The following ADAM32 variants were observed in gnomAD, a reference collection of about 807,000 sequenced individuals.
ADAM32 encodes the protein disintegrin and metalloproteinase domain-containing protein 32.
In ADAM32, 89 loss-of-function variants were observed where a neutral mutation model predicts 114.9. The ratio of observed to expected loss-of-function variants is 0.77; its 90% CI spans 0.65 to 0.92. The LOEUF is 0.92. Among genes scored for constraint, ADAM32 ranks in the 40% least tolerant of loss-of-function variants. The probability of loss-of-function intolerance (pLI) is 0.00; values close to 1 mark genes in which losing one functional copy is unlikely to be tolerated. For missense variants in ADAM32, 870 were observed against 932.8 expected (o/e 0.93, Z 0.88); for synonymous variants, 285 against 307.5 (o/e 0.93, Z 0.77).
chr8:39,192,765 C>T (rs73606740), intron 11 of ADAM32, among the ~76,000 whole-genome samples: 147 of 152,208 alleles, frequency 9.7e-4, no homozygotes, highest in African/African-American at 3.2e-3. Context: ...TTTTCACCTT[C>T]GCTTATGAAG....
rs750702374 is a variant in ADAM32 at position 39,246,207 on chromosome 8, A to T, written c.1902+41A>T. 11 of 1,570,156 alleles carry T rather than the reference A, an allele frequency of 7.0e-6. No individual in the cohort carries two copies. In the Admixed American group the frequency reaches 1.9e-4, roughly 27 times the overall value. On this transcript the variant is annotated intron_variant, in intron 17 of 24. Coordinates refer to ENST00000379907, the MANE Select transcript of ADAM32 (RefSeq NM_145004.7). ...TTTCCCTGAATCACATTTCTTGGAC[A>T]CTTTTTTGCATCACTCATTAATTTA...
chr8:39,242,997 A>G (rs1180638818), intron 16 of ADAM32, among the ~76,000 whole-genome samples: 2 of 152,194 alleles, frequency 1.3e-5, no homozygotes, highest in East Asian at 1.9e-4. Flanking sequence ...GAAGGCTACT[A>G]TGAACACCTT....
At chr8:39,169,687 T>C (rs1235915810) in intron 9 of ADAM32, 2 of 350,724 alleles carry the variant, frequency 5.7e-6, no homozygotes. Flanking sequence ...TTAAAAACTT[T>C]GATCTATTAG....
intron 1 of ADAM32, among the ~76,000 whole-genome samples, chr8:39,110,576 A>G (rs1840117313): frequency 6.6e-6 from 1 of 152,218 alleles, no homozygotes; most frequent in Non-Finnish European, 1.5e-5. Flanking sequence ...CTATTGCTGA[A>G]TCATATGATA....
At chr8:39,116,251 G>GT (rs1215741471) in intron 1 of ADAM32, among the ~76,000 whole-genome samples, 2 of 152,134 alleles carry the variant, frequency 1.3e-5, no homozygotes, top group East Asian at 1.9e-4. Context: ...TTTTAGAATA[G>GT]TTTTTTCTAA....
rs547952158 is a variant in ADAM32 at position 39,117,177 on chromosome 8, C to T, written c.59-909C>T. On this transcript the variant is annotated intron_variant, in intron 1 of 24. Transcript: ENST00000379907. The stretch of plus-strand genomic sequence containing the variant: ...GATTACAGGCATGAGCCACCATGCC[C>T]GGCCCTGTTAAGCAGATTTAAGGAA... Among the ~76,000 whole-genome samples, 8 of 152,256 alleles carry T rather than the reference C, an allele frequency of 5.3e-5. No individual in the cohort carries two copies. In the East Asian group the frequency reaches 9.6e-4, roughly 18 times the overall value.
At chr8:39,251,082 G>A (rs932752302) in intron 17 of ADAM32, among the ~76,000 whole-genome samples, 8 of 151,716 alleles carry the variant, frequency 5.3e-5, no homozygotes, top group East Asian at 1.9e-4. Flanking sequence ...ATTCATGGAC[G>A]CTTACATTGA....
intron 16 of ADAM32, among the ~76,000 whole-genome samples, chr8:39,245,051 C>G (rs538725711): frequency 5.9e-5 from 9 of 151,954 alleles, no homozygotes; most frequent in Non-Finnish European, 1.3e-4. Flanking sequence ...AAAATATAAT[C>G]AGCAGAGTAA....
At chr8:39,152,214 T>C (rs1281851150) in intron 6 of ADAM32, among the ~76,000 whole-genome samples, 1 of 152,134 alleles carries the variant, frequency 6.6e-6, no homozygotes, top group African/African-American at 2.4e-5. Context: ...TAGATATAAT[T>C]AAAATGTCAT....
intron 22 of ADAM32, among the ~76,000 whole-genome samples, chr8:39,280,694 A>G (rs1184905595): frequency 6.6e-6 from 1 of 152,186 alleles, no homozygotes; most frequent in African/African-American, 2.4e-5. Flanking sequence ...TTGGTGCTAT[A>G]AAATGGCCTG....
chr8:39,245,508 C>CCCTA lies in ADAM32; in HGVS notation c.1819-574_1819-573insCTAC, dbSNP rs1462248075. On this transcript the variant is annotated intron_variant, in intron 16 of 24. Transcript: ENST00000379907. Reference sequence around the variant, plus strand: ...GGTTAAATGAAACTGCAGCCTTGTTCCAATCTGACTTGCATCCTTATAAAA... The same window carrying CCCTA: ...GGTTAAATGAAACTGCAGCCTTGTTCCCTACAATCTGACTTGCATCCTTATAAAA... Among the ~76,000 whole-genome samples the CCCTA allele has an allele frequency of 2.3e-3, 356 of 151,788 alleles. 2 individuals carry two copies. Among genetic ancestry groups the CCCTA allele is most frequent in the African/African-American group, 7.7e-3 (315 of 41,168 alleles).
At chr8:39,160,400 C>T (rs147593806) in intron 6 of ADAM32, among the ~76,000 whole-genome samples, 4,199 of 152,096 alleles carry the variant, frequency 0.028, 221 homozygotes, top group African/African-American at 0.096. Flanking sequence ...ATTAGCCCGG[C>T]GTGGTGGCAG....
At chr8:39,162,811 G>A (rs903880635) in intron 7 of ADAM32, among the ~76,000 whole-genome samples, 10 of 152,066 alleles carry the variant, frequency 6.6e-5, no homozygotes. Context: ...GACCAGCCTG[G>A]CCAACATTGT....
intron 6 of ADAM32, among the ~76,000 whole-genome samples, chr8:39,152,006 T>C (rs1036264776): frequency 1.4e-4 from 21 of 152,190 alleles, no homozygotes; most frequent in Non-Finnish European, 2.5e-4. Context: ...AACCATACTT[T>C]TTATGATTCA....
At chr8:39,131,518 G>T (rs550338041) in intron 2 of ADAM32, among the ~76,000 whole-genome samples, 59 of 152,240 alleles carry the variant, frequency 3.9e-4, no homozygotes, top group African/African-American at 1.3e-3. Flanking sequence ...TTTTGTGCTT[G>T]TTGATTTTTT....
At chr8:39,180,260 C>T (rs961271715) in intron 10 of ADAM32, among the ~76,000 whole-genome samples, 3 of 152,246 alleles carry the variant, frequency 2.0e-5, no homozygotes, top group African/African-American at 7.2e-5. Flanking sequence ...AGCACCTGGG[C>T]CAGCGGCTGC....
chr8:39,144,470 C>T (rs78125995), intron 3 of ADAM32, among the ~76,000 whole-genome samples: 5,071 of 152,274 alleles, frequency 0.033, 294 homozygotes, highest in African/African-American at 0.12. Context: ...AGGATGAGAA[C>T]AGACCTGAGT....
chr8:39,262,569 C>T (rs1009893472), intron 19 of ADAM32, among the ~76,000 whole-genome samples: 2 of 151,992 alleles, frequency 1.3e-5, no homozygotes, highest in Non-Finnish European at 2.9e-5. Context: ...CTGCAATCTT[C>T]TACCTCTTAT....
intron 11 of ADAM32, among the ~76,000 whole-genome samples, chr8:39,205,334 C>A (rs1807750070): frequency 6.6e-6 from 1 of 152,248 alleles, no homozygotes. Context: ...TGGCAGGCGC[C>A]CCTCCCCCAG....
Sources: gnomAD v4.1 joint callset for allele counts (sites outside exome capture counted in the v4.1 genomes callset) on GRCh38, gnomAD v4.1.1 for gene constraint, MANE v1.5 for transcripts, NCBI Gene and HGNC (gene_info 2026-07-23, HGNC 2026-07-21) for gene names.